The following CEP164 variants were observed in gnomAD, a reference collection of about 807,000 sequenced individuals.
CEP164 encodes centrosomal protein 164, also known as centrosomal protein of 164 kDa.
CEP164 carries 162 observed loss-of-function variants against 182.7 expected under a neutral mutation model. That is an observed-to-expected ratio of 0.89 (90% CI 0.78 to 1.01). The LOEUF (loss-of-function observed/expected upper bound fraction) is 1.01, where lower values mean the gene tolerates loss of function less well. Ranked by LOEUF, CEP164 falls within the 50% of genes least tolerant of loss-of-function variation. The pLI is 0.00. For missense variants in CEP164, 1,735 were observed against 1,790.4 expected (o/e 0.97, Z 0.56); for synonymous variants, 661 against 690.0 (o/e 0.96, Z 0.66).
chr11:117,373,711 C>A, intron 9 of CEP164, 40 bp from the exon 10 acceptor site: 1 of 1,568,178 alleles, frequency 6.4e-7, no homozygotes, highest in African/African-American at 1.3e-5. Context: ...ACTCTTTGTG[C>A]TCTGCTCTGA....
intron 8 of CEP164, among the ~76,000 whole-genome samples, chr11:117,366,250 C>T (rs932486065): frequency 2.0e-5 from 3 of 152,052 alleles, no homozygotes; most frequent in African/African-American, 7.2e-5. Flanking sequence ...TCTTTGGATT[C>T]TCTGAACTGC....
intron 5 of CEP164, among the ~76,000 whole-genome samples, chr11:117,360,012 A>G (rs2040749665): frequency 6.6e-6 from 1 of 152,192 alleles, no homozygotes; most frequent in Admixed American, 6.6e-5. Context: ...AACAGGGAAA[A>G]GAAGGGACCT....
At chr11:117,337,497 G>A (rs1258498977) in intron 2 of CEP164, among the ~76,000 whole-genome samples, 2 of 127,990 alleles carry the variant, frequency 1.6e-5, no homozygotes, top group East Asian at 2.2e-4. Flanking sequence ...AACATAGTGA[G>A]ACACCATCTC....
intron 1 of CEP164, among the ~76,000 whole-genome samples, chr11:117,328,403 G>A (rs918338572): frequency 6.6e-6 from 1 of 152,234 alleles, no homozygotes; most frequent in Non-Finnish European, 1.5e-5. Context: ...TGGGAAAGTT[G>A]GAAAGCTTTT....
Position 117,394,766 on chromosome 11 carries a change from G to A in CEP164, c.2761-154G>A, listed in dbSNP as rs1373157565. ...CCCAGCAGGAAGTAAACAAGGTGTG[G>A]AGCCTTCCTGGGAGGCTGCAGGGGC... On this transcript the variant is annotated intron_variant, in intron 21 of 32. Transcript: ENST00000278935. The surrounding 1 kb of genome is among the most constrained non-coding windows in gnomAD (Gnocchi z 4.0). Among the ~76,000 whole-genome samples, 2 of 152,182 alleles carry A rather than the reference G, an allele frequency of 1.3e-5. No individual in the cohort carries two copies. Among genetic ancestry groups the A allele is most frequent in the Non-Finnish European group, 2.9e-5 (2 of 68,022 alleles).
chr11:117,381,741 C>G lies in CEP164; in HGVS notation c.1450C>G (p.Pro484Ala). 2 of 1,609,902 alleles carry G rather than the reference C, an allele frequency of 1.2e-6. No homozygotes were observed. The highest frequency in any genetic ancestry group is 1.3e-5 in the African/African-American group (1 of 74,958). Residue 484 changes from proline to alanine, a missense_variant, in exon 13 of 33, where the codon CCC becomes GCC. By Grantham distance (27) the Pro-to-Ala change is conservative (BLOSUM62 -1). Transcript: ENST00000278935. Reference sequence around the variant, plus strand: ...TCCACACGAGGAGCGGGCCCAGAGTCCCCCTCGCAGCCTGGCCACTGAAGA... The same window carrying G: ...TCCACACGAGGAGCGGGCCCAGAGTGCCCCTCGCAGCCTGGCCACTGAAGA... ...PLPHEERAQS[P>A]PRSLATEEEP... is the part of the protein sequence containing the mutation.
intron 5 of CEP164, chr11:117,359,703 C>G (rs1200665150): frequency 3.4e-6 from 2 of 596,732 alleles, no homozygotes; most frequent in African/African-American, 2.0e-5. Flanking sequence ...TTGAAGGGGT[C>G]TTTGTAAATT....
chr11:117,344,031 T>C (rs1207912438), intron 3 of CEP164, 135 bp from the exon 4 acceptor site: 1 of 604,658 alleles, frequency 1.7e-6, no homozygotes, highest in Non-Finnish European at 3.0e-6. Flanking sequence ...GAAACAATTA[T>C]ATATGTTTAT....
At chr11:117,363,833 G>A (rs1256772582) in intron 8 of CEP164, 1 of 172,964 alleles carries the variant, frequency 5.8e-6, no homozygotes, top group Non-Finnish European at 1.1e-5. Flanking sequence ...GTACAGTGGT[G>A]TGAACAGAGC....
intron 2 of CEP164, chr11:117,336,483 GC>G: frequency 2.0e-6 from 3 of 1,487,284 alleles, no homozygotes; most frequent in Non-Finnish European, 2.8e-6. Context: ...AAGCTGGATT[GC>G]CCTGGGGAAC....
At chr11:117,333,351 C>T (rs2036518606) in intron 1 of CEP164, among the ~76,000 whole-genome samples, 1 of 152,112 alleles carries the variant, frequency 6.6e-6, no homozygotes, top group Non-Finnish European at 1.5e-5. Context: ...TCTGTTACCA[C>T]TCCAACTCAG....
chr11:117,390,758 C>G lies in CEP164; in HGVS notation c.1935-19C>G. On this transcript the variant is annotated intron_variant, in intron 15 of 32. Coordinates refer to ENST00000278935, the MANE Select transcript of CEP164 (RefSeq NM_014956.5). ...CTTTGTGGTTTCTCTGACAACCTAG[C>G]CTTTCCTTTCCATCTCAGTTCCTTG... 2 of 1,613,838 alleles carry G rather than the reference C, an allele frequency of 1.2e-6. No homozygotes were observed. The highest frequency in any genetic ancestry group is 1.7e-6 in the Non-Finnish European group (2 of 1,179,922).
upstream of CEP164, among the ~76,000 whole-genome samples, chr11:117,324,699 G>A (rs146912382): frequency 6.6e-6 from 1 of 152,128 alleles, no homozygotes; most frequent in East Asian, 1.9e-4. Flanking sequence ...TAAGCATTTG[G>A]ATGGCAATTA....
chr11:117,382,015 A>T, intron 13 of CEP164, 147 bp downstream of exon 13: 1 of 654,122 alleles, frequency 1.5e-6, no homozygotes, highest in Non-Finnish European at 2.5e-6. Context: ...TAGCCTCAGC[A>T]GCAGCAGCAG....
At chr11:117,407,800 C>G (rs2046882816) in intron 27 of CEP164, 125 bp from the exon 28 acceptor site, 12 of 622,266 alleles carry the variant, frequency 1.9e-5, no homozygotes, top group South Asian at 1.9e-4. Flanking sequence ...TCATAGTTCT[C>G]TGTTCCAGAT....
At chr11:117,352,161 T>A (rs1322513308) in intron 5 of CEP164, among the ~76,000 whole-genome samples, 173 bp downstream of exon 5, 1 of 152,106 alleles carries the variant, frequency 6.6e-6, no homozygotes, top group African/African-American at 2.4e-5. Flanking sequence ...TTCTTTCAGC[T>A]TCTGGTATTC....
chr11:117,354,948 A>AG (rs1565464125), intron 5 of CEP164: 4 of 1,285,322 alleles, frequency 3.1e-6, no homozygotes, highest in Non-Finnish European at 4.1e-6. Flanking sequence ...CAGCCTGAGG[A>AG]GGGACTTCTG....
intron 27 of CEP164, among the ~76,000 whole-genome samples, chr11:117,399,318 CT>C (rs2045883668): frequency 2.0e-5 from 3 of 152,090 alleles, no homozygotes; most frequent in Non-Finnish European, 4.4e-5. Flanking sequence ...TGAACTCATC[CT>C]TTTTTATGGC....
intron 25 of CEP164, 135 bp downstream of exon 25, chr11:117,396,315 T>C (rs1236716490): frequency 9.5e-7 from 1 of 1,051,290 alleles, no homozygotes; most frequent in Non-Finnish European, 1.4e-6. Context: ...GGGAGGAGTA[T>C]AAGGTGGGCC....
Sources: allele counts gnomAD v4.1 joint callset (sites outside exome capture counted in the v4.1 genomes callset), GRCh38; gene constraint gnomAD v4.1.1; non-coding constraint Gnocchi (gnomAD v3.1); transcripts MANE v1.5; gene names NCBI Gene and HGNC (gene_info 2026-07-23, HGNC 2026-07-21).